Variants in NKAIN3 observed in about 807,000 individuals in gnomAD.
NKAIN3 encodes sodium/potassium transporting ATPase interacting 3, also known as sodium/potassium-transporting ATPase subunit beta-1-interacting protein 3.
In NKAIN3, 25 loss-of-function variants were observed where a neutral mutation model predicts 30.2. The observed-to-expected ratio is 0.83, with a 90% CI of 0.60 to 1.16. The LOEUF is 1.16. Ranked by LOEUF, NKAIN3 falls within the 50% of genes most tolerant of loss-of-function variation. The probability of loss-of-function intolerance (pLI) is 0.00; values close to 1 mark genes in which losing one functional copy is unlikely to be tolerated. For missense variants in NKAIN3, 225 were observed against 254.1 expected (o/e 0.89, Z 0.78); for synonymous variants, 91 against 89.6 (o/e 1.02, Z -0.09).
downstream of NKAIN3, among the ~76,000 whole-genome samples, chr8:62,988,996 C>A (rs1034773371): frequency 1.3e-5 from 2 of 152,172 alleles, no homozygotes; most frequent in African/African-American, 4.8e-5. Context: ...GGGCAAAATG[C>A]CACCAGTCTC....
chr8:62,749,679 C>CCT (rs747517857), intron 4 of NKAIN3, among the ~76,000 whole-genome samples: 2 of 97,282 alleles, frequency 2.1e-5, no homozygotes, highest in Admixed American at 1.3e-4. Context: ...TTTTTCTTTT[C>CCT]TTTTTTTTTT....
chr8:62,319,439 G>C (rs1270714395), intron 1 of NKAIN3, among the ~76,000 whole-genome samples: 2 of 151,892 alleles, frequency 1.3e-5, no homozygotes, highest in Non-Finnish European at 2.9e-5. Flanking sequence ...CTCAATTTTA[G>C]ATCTTTCCTG....
rs572483353 is a variant in NKAIN3 at position 62,780,968 on chromosome 8, C to A, written c.471+33839C>A. ...TAAGACAAGAGAAAGAAAGAAAAGG[C>A]CTCCAAATTGGAAAAGAAGTCAAAT... On this transcript the variant is annotated intron_variant, in intron 4 of 6. Coordinates refer to ENST00000623646, the MANE Select transcript of NKAIN3 (RefSeq NM_001304533.3). Among the ~76,000 whole-genome samples, 3 of 152,072 alleles carry A rather than the reference C, an allele frequency of 2.0e-5. No individual in the cohort carries two copies. In the South Asian group the frequency reaches 6.2e-4, roughly 32 times the overall value.
At chr8:62,669,080 A>T (rs1250255282) in intron 3 of NKAIN3, among the ~76,000 whole-genome samples, 1 of 152,120 alleles carries the variant, frequency 6.6e-6, no homozygotes, top group Non-Finnish European at 1.5e-5. Context: ...CTGTAAGCTG[A>T]TCGTCTCATG....
rs564439312 is a variant in NKAIN3 at position 62,758,228 on chromosome 8, G to A, written c.471+11099G>A. On this transcript the variant is annotated intron_variant, in intron 4 of 6. Coordinates refer to ENST00000623646, the MANE Select transcript of NKAIN3 (RefSeq NM_001304533.3). ...GAAAACAAAGTGAGAGACTCTGCCAGATTAAAGGAGACTGAGGAAACACGA... is the reference window on the plus strand; with the variant it reads ...GAAAACAAAGTGAGAGACTCTGCCAAATTAAAGGAGACTGAGGAAACACGA... 4.4e-4 allele frequency among the ~76,000 whole-genome samples: 67 copies of A among 152,128 alleles called. 1 individual carries two copies. The highest frequency in any genetic ancestry group is 8.8e-4 in the Non-Finnish European group (60 of 68,016).
intron 4 of NKAIN3, among the ~76,000 whole-genome samples, chr8:62,817,209 C>A (rs895838814): frequency 1.3e-5 from 2 of 152,168 alleles, no homozygotes; most frequent in African/African-American, 4.8e-5. Context: ...GTGAGTGCTG[C>A]ATGCCTCTAG....
chr8:62,395,963 G>A (rs1334277234), intron 1 of NKAIN3, among the ~76,000 whole-genome samples: 1 of 152,080 alleles, frequency 6.6e-6, no homozygotes, highest in Non-Finnish European at 1.5e-5. Flanking sequence ...CATATAGTGA[G>A]GCTTAAGTCT....
At chr8:62,693,237 AATG>A (rs1234001010) in intron 3 of NKAIN3, among the ~76,000 whole-genome samples, 1 of 152,234 alleles carries the variant, frequency 6.6e-6, no homozygotes, top group Non-Finnish European at 1.5e-5. Context: ...CTGATGTCTT[AATG>A]ATATCTTGAT....
At chr8:62,313,203 A>G (rs973999555) in intron 1 of NKAIN3, among the ~76,000 whole-genome samples, 1 of 152,198 alleles carries the variant, frequency 6.6e-6, no homozygotes, top group Non-Finnish European at 1.5e-5. Context: ...TTTAATACAT[A>G]AAATTGTTGT....
intron 4 of NKAIN3, among the ~76,000 whole-genome samples, chr8:62,888,691 A>G (rs904277808): frequency 6.6e-6 from 1 of 152,220 alleles, no homozygotes; most frequent in African/African-American, 2.4e-5. Flanking sequence ...CTTTAAAAAC[A>G]AAATTGCTAA....
At chr8:62,396,219 T>C (rs1817757874) in intron 1 of NKAIN3, among the ~76,000 whole-genome samples, 1 of 152,166 alleles carries the variant, frequency 6.6e-6, no homozygotes, top group African/African-American at 2.4e-5. Context: ...AGAAGACCCT[T>C]ATGCACAAAG....
In NKAIN3 at chr8:62,655,727, G is replaced by A. The variant is rs961636423; in HGVS notation, c.273+65933G>A. ...TGCCCATTTTGGGCATCCAGTGGGC[G>A]AAGTTTTGCAGGCAGGCGGATATAC... On this transcript the variant is annotated intron_variant, in intron 3 of 6. Coordinates refer to ENST00000623646, the MANE Select transcript of NKAIN3 (RefSeq NM_001304533.3). Among the ~76,000 whole-genome samples, 11 of 152,202 alleles carry A rather than the reference G, an allele frequency of 7.2e-5. No homozygotes were observed. The South Asian group carries it at 1.5e-3, about 20-fold the overall frequency.
chr8:62,391,551 A>C (rs940797899), intron 1 of NKAIN3, among the ~76,000 whole-genome samples: 13 of 149,694 alleles, frequency 8.7e-5, no homozygotes, highest in Non-Finnish European at 1.8e-4. Context: ...GCACAATGAA[A>C]GAAGAAGAGA....
chr8:62,326,989 T>C (rs1267466432), intron 1 of NKAIN3, among the ~76,000 whole-genome samples: 1 of 152,042 alleles, frequency 6.6e-6, no homozygotes, highest in Admixed American at 6.6e-5. Flanking sequence ...TTTGTTTTGT[T>C]TTGTTTTTGT....
intron 1 of NKAIN3, among the ~76,000 whole-genome samples, chr8:62,351,163 A>T (rs1178601344): frequency 1.3e-5 from 2 of 148,540 alleles, no homozygotes; most frequent in Admixed American, 6.7e-5. Flanking sequence ...TAGATAATAT[A>T]GTCATCCCTC....
chr8:62,392,267 CAT>C (rs1259839808), intron 1 of NKAIN3, among the ~76,000 whole-genome samples: 1 of 151,904 alleles, frequency 6.6e-6, no homozygotes, highest in Non-Finnish European at 1.5e-5. Flanking sequence ...ACCAAATAAA[CAT>C]GTAACAAAGG....
At chr8:62,348,514 T>C (rs1816080604) in intron 1 of NKAIN3, among the ~76,000 whole-genome samples, 2 of 151,944 alleles carry the variant, frequency 1.3e-5, no homozygotes, top group African/African-American at 4.8e-5. Flanking sequence ...CAGGCAGAGG[T>C]TTCAGTTGCT....
intron 1 of NKAIN3, among the ~76,000 whole-genome samples, chr8:62,341,458 A>G (rs905352061): frequency 3.9e-5 from 6 of 151,966 alleles, no homozygotes; most frequent in Non-Finnish European, 8.8e-5. Context: ...AAAATCCCCT[A>G]TTTTACTGAC....
chr8:62,453,091 TTGAG>T (rs1192297737), intron 1 of NKAIN3, among the ~76,000 whole-genome samples: 1 of 152,236 alleles, frequency 6.6e-6, no homozygotes, highest in African/African-American at 2.4e-5. Context: ...TGTAGTCTTT[TTGAG>T]TATTTTAAGT....
Sources: allele counts gnomAD v4.1 joint callset (sites outside exome capture counted in the v4.1 genomes callset), GRCh38; gene constraint gnomAD v4.1.1; transcripts MANE v1.5; gene names NCBI Gene and HGNC (gene_info 2026-07-23, HGNC 2026-07-21).